JHY: variants seen among roughly 807,000 people sequenced by gnomAD.
JHY encodes the protein jhy protein homolog.
JHY carries 69 observed loss-of-function variants against 78.0 expected under a neutral mutation model. That is an observed-to-expected ratio of 0.88 (90% CI 0.73 to 1.08). The LOEUF (loss-of-function observed/expected upper bound fraction) is 1.08, where lower values mean the gene tolerates loss of function less well. JHY is among the 50% of genes least tolerant of loss of function. The pLI, the probability that JHY is intolerant of heterozygous loss-of-function variation, is 0.00. For synonymous variants in JHY, 368 were observed against 342.6 expected (o/e 1.07, Z -0.82); for missense variants, 944 against 927.8 (o/e 1.02, Z -0.23).
chr11:122,893,325 C>T lies in JHY; in HGVS notation c.344+7132C>T, dbSNP rs114537297. Among the ~76,000 whole-genome samples, 580 of 152,236 alleles carry T rather than the reference C, an allele frequency of 3.8e-3. 3 individuals carry two copies. The highest frequency in any genetic ancestry group is 0.012 in the African/African-American group (512 of 41,526). On this transcript the variant is annotated intron_variant, in intron 2 of 8. Coordinates refer to ENST00000227349, the MANE Select transcript of JHY (RefSeq NM_024806.4). ...CTCCTCAGAGCAGGCATGGTGCCAT[C>T]GTAACAGATGAGCAGTCATAGAGGG...
intron 1 of JHY, among the ~76,000 whole-genome samples, chr11:122,884,113 T>C (rs1159867662): frequency 6.6e-6 from 1 of 152,126 alleles, no homozygotes; most frequent in Non-Finnish European, 1.5e-5. Context: ...GACAAAATAA[T>C]ACAACAAACC....
chr11:122,937,850 A>C (rs1337383604), intron 5 of JHY, among the ~76,000 whole-genome samples: 2 of 152,132 alleles, frequency 1.3e-5, no homozygotes, highest in African/African-American at 4.8e-5. Flanking sequence ...GATCTTGCTG[A>C]AATTATCTTT....
Position 122,934,743 on chromosome 11 carries a change from T to C in JHY, c.1302T>C (p.Asn434=), listed in dbSNP as rs1029429931. 2.5e-6 allele frequency: 4 copies of C among 1,614,012 alleles called. No homozygotes were observed. Among genetic ancestry groups the C allele is most frequent in the Non-Finnish European group, 3.4e-6 (4 of 1,180,034 alleles). The change falls in exon 5 of 9, where the codon AAT becomes AAC. Residue 434 remains asparagine, a synonymous_variant. Coordinates refer to ENST00000227349, the MANE Select transcript of JHY (RefSeq NM_024806.4). The part of the protein sequence containing the change: ...VQASRALRSH[N]LKETSNTFAP... ...CCTCAAGGGCACTTAGAAGCCACAA[T>C]CTCAAAGAAACCTCCAATACATTTG...
chr11:122,957,609 G>T, intron 8 of JHY, 118 bp downstream of exon 8: 2 of 1,046,396 alleles, frequency 1.9e-6, no homozygotes, highest in Non-Finnish European at 2.5e-6. Flanking sequence ...TGCCCAGGAT[G>T]GTCATAAACT....
chr11:122,912,354 C>T (rs565028771), intron 3 of JHY, among the ~76,000 whole-genome samples: 7 of 150,958 alleles, frequency 4.6e-5, no homozygotes, highest in Admixed American at 2.0e-4. Flanking sequence ...TCTCTGAGGA[C>T]GTATCATTCA....
chr11:122,916,798 C>T (rs1863243450), intron 3 of JHY, among the ~76,000 whole-genome samples: 1 of 151,968 alleles, frequency 6.6e-6, no homozygotes, highest in East Asian at 1.9e-4. Context: ...GCCATGACGC[C>T]CAGCTAAATT....
rs577757449 is a variant in JHY at position 122,938,003 on chromosome 11, A to G, written c.1634+2928A>G. 1.8e-3 allele frequency among the ~76,000 whole-genome samples: 229 copies of G among 130,830 alleles called. 1 individual carries two copies. Among genetic ancestry groups the G allele is most frequent in the African/African-American group, 6.7e-3 (219 of 32,930 alleles). 85.8% of individuals were successfully genotyped at this position (130,830 alleles called of 152,430 possible). A position where few individuals can be genotyped will look rare whatever the true frequency, so the allele number is the denominator to read the frequency against. On this transcript the variant is annotated intron_variant, in intron 5 of 8. Coordinates refer to ENST00000227349, the MANE Select transcript of JHY (RefSeq NM_024806.4). The stretch of plus-strand genomic sequence containing the variant: ...CCACCTTATTCCTGATCCTTTGTAT[A>G]TAATCTGTTTTTTTTGTTGTTGTTT...
At chr11:122,906,395 C>T (rs1862994150) in intron 3 of JHY, among the ~76,000 whole-genome samples, 1 of 152,062 alleles carries the variant, frequency 6.6e-6, no homozygotes, top group Non-Finnish European at 1.5e-5. Flanking sequence ...GGGGTCTCAT[C>T]ATGTTGCCCA....
intron 5 of JHY, among the ~76,000 whole-genome samples, chr11:122,939,707 C>A (rs746089209): frequency 6.6e-6 from 1 of 152,140 alleles, no homozygotes; most frequent in Non-Finnish European, 1.5e-5. Flanking sequence ...CACCTGTAGT[C>A]CTTCATCTAG....
At chr11:122,929,484 T>C (rs1385105151) in intron 4 of JHY, among the ~76,000 whole-genome samples, 3 of 152,104 alleles carry the variant, frequency 2.0e-5, no homozygotes, top group African/African-American at 7.2e-5. Context: ...CGAGGAACCA[T>C]GACAGCTCTG....
At chr11:122,909,756 G>A (rs925666024) in intron 3 of JHY, among the ~76,000 whole-genome samples, 1 of 152,016 alleles carries the variant, frequency 6.6e-6, no homozygotes, top group African/African-American at 2.4e-5. Context: ...TCCAGCCTGG[G>A]TGACAGAGCA....
chr11:122,949,605 G>A (rs745552251), intron 6 of JHY, among the ~76,000 whole-genome samples: 3 of 152,006 alleles, frequency 2.0e-5, no homozygotes, highest in Non-Finnish European at 4.4e-5. Flanking sequence ...TGTGTACCCC[G>A]GGTCTTCAGC....
intron 2 of JHY, among the ~76,000 whole-genome samples, chr11:122,892,758 CAA>C (rs1442175581): frequency 6.6e-6 from 1 of 152,074 alleles, no homozygotes; most frequent in African/African-American, 2.4e-5. Flanking sequence ...ATTGGATAAC[CAA>C]AAGAGACCAC....
chr11:122,940,034 T>TAA (rs201842639), intron 5 of JHY, among the ~76,000 whole-genome samples: 34 of 143,862 alleles, frequency 2.4e-4, no homozygotes, highest in African/African-American at 5.9e-4. Flanking sequence ...TCCCTTTAAT[T>TAA]AAAAAAAAAA....
intron 6 of JHY, among the ~76,000 whole-genome samples, chr11:122,950,992 T>C (rs1201209302): frequency 2.6e-5 from 4 of 152,242 alleles, no homozygotes; most frequent in Admixed American, 1.3e-4. Flanking sequence ...CTCTTTGTCC[T>C]TTAAGCTATT....
chr11:122,958,633 T>A, intron 8 of JHY: 2 of 736,010 alleles, frequency 2.7e-6, no homozygotes, highest in Non-Finnish European at 3.3e-6. Context: ...TGCAAAACTG[T>A]TATAAAGGCA....
chr11:122,892,121 T>C (rs1292869432), intron 2 of JHY, among the ~76,000 whole-genome samples: 1 of 152,100 alleles, frequency 6.6e-6, no homozygotes, highest in East Asian at 1.9e-4. Context: ...GGGAAACAAA[T>C]GTTTTCATGC....
At position 122,963,509 on chromosome 11, in the gene JHY, G is replaced by A. The variant is rs1864353187; in HGVS notation, c.*4064G>A. Reference sequence around the variant, plus strand: ...TGGCTCCACGTCATCTCACAATAGTGAAATACAGCAGAATGTCACTAAACT... The same window carrying A: ...TGGCTCCACGTCATCTCACAATAGTAAAATACAGCAGAATGTCACTAAACT... On this transcript the variant is annotated 3_prime_UTR_variant, in exon 9 of 9. Transcript: ENST00000227349. 6.6e-6 allele frequency among the ~76,000 whole-genome samples: 1 copy of A among 152,160 alleles called. No homozygotes were observed. The highest frequency in any genetic ancestry group is 2.1e-4 in the South Asian group (1 of 4,826).
Position 122,963,201 on chromosome 11 carries a change from T to C in JHY, c.*3756T>C, listed in dbSNP as rs1310131188. Among the ~76,000 whole-genome samples, 1 of 152,174 alleles carries C rather than the reference T, an allele frequency of 6.6e-6. No homozygotes were observed. The highest frequency in any genetic ancestry group is 2.4e-5 in the African/African-American group (1 of 41,446). ...ATTTCAAAAACTTCCCATACTGTTTTTCTGTTAGCTTAAGCGTTGTTAAAT... is the reference window on the plus strand; with the variant it reads ...ATTTCAAAAACTTCCCATACTGTTTCTCTGTTAGCTTAAGCGTTGTTAAAT... On this transcript the variant is annotated 3_prime_UTR_variant, in exon 9 of 9. Transcript: ENST00000227349.
Sources: gnomAD v4.1 joint callset for allele counts (sites outside exome capture counted in the v4.1 genomes callset) on GRCh38, gnomAD v4.1.1 for gene constraint, MANE v1.5 for transcripts, NCBI Gene and HGNC (gene_info 2026-07-23, HGNC 2026-07-21) for gene names.